PLPP3: variants seen among roughly 807,000 people sequenced by gnomAD.
The protein encoded by PLPP3 is PAP2 beta.
In PLPP3, 6 loss-of-function variants were observed where a neutral mutation model predicts 29.6. The ratio of observed to expected loss-of-function variants is 0.20; its 90% CI spans 0.11 to 0.40. The LOEUF (loss-of-function observed/expected upper bound fraction) is 0.40, where lower values mean the gene tolerates loss of function less well. PLPP3 is among the 10% of genes least tolerant of loss of function. The probability of loss-of-function intolerance (pLI) is 1.00; values close to 1 mark genes in which losing one functional copy is unlikely to be tolerated. For missense variants in PLPP3, 308 were observed against 407.7 expected (o/e 0.76, Z 2.11); for synonymous variants, 152 against 159.7 (o/e 0.95, Z 0.36).
Position 56,496,418 on chromosome 1 carries a change from T to TC in PLPP3, c.*132_*133insG, listed in dbSNP as rs1569857901. ...TTTGGAAGGCCACATAGTAAAACAT[T>TC]TTTTTTTTCCTTTTTAAAAATCAGT... On this transcript the variant is annotated 3_prime_UTR_variant, in exon 6 of 6. Coordinates refer to ENST00000371250, the MANE Select transcript of PLPP3 (RefSeq NM_003713.5). 4.2e-6 allele frequency: 5 copies of TC among 1,181,190 alleles called. No homozygotes were observed. In the East Asian group the frequency reaches 1.2e-4, roughly 29 times the overall value. 73.2% of individuals were successfully genotyped at this position (1,181,190 alleles called of 1,614,324 possible).
At chr1:56,507,443 C>T (rs189803230) in intron 5 of PLPP3, among the ~76,000 whole-genome samples, 6 of 152,208 alleles carry the variant, frequency 3.9e-5, no homozygotes, top group Admixed American at 6.5e-5. Context: ...TACTACATAC[C>T]GAGAATAAAT....
At chr1:56,549,620 G>A (rs55669921) in intron 1 of PLPP3, among the ~76,000 whole-genome samples, 1,769 of 152,196 alleles carry the variant, frequency 0.012, 26 homozygotes, top group African/African-American at 0.04. Context: ...GCATCTTTAC[G>A]TGATAGAGGG....
chr1:56,576,547 C>T (rs1646236762), intron 1 of PLPP3, among the ~76,000 whole-genome samples: 1 of 152,138 alleles, frequency 6.6e-6, no homozygotes, highest in Non-Finnish European at 1.5e-5. Context: ...TTGGCCTGTG[C>T]TCAGGGGAAA....
intron 1 of PLPP3, among the ~76,000 whole-genome samples, chr1:56,566,372 A>C (rs1462333965): frequency 6.6e-6 from 1 of 152,114 alleles, no homozygotes; most frequent in Non-Finnish European, 1.5e-5. Context: ...TCACTGCACC[A>C]CCTTTGGTAA....
chr1:56,517,786 C>T (rs938140370), intron 4 of PLPP3, among the ~76,000 whole-genome samples: 5 of 152,198 alleles, frequency 3.3e-5, no homozygotes, highest in African/African-American at 1.2e-4. Flanking sequence ...CTCCAGGGGA[C>T]ATTTAGAACT....
intron 4 of PLPP3, among the ~76,000 whole-genome samples, chr1:56,520,109 C>A (rs1163096735): frequency 1.3e-5 from 2 of 152,176 alleles, no homozygotes; most frequent in Non-Finnish European, 2.9e-5. Context: ...GACAGGCCAT[C>A]TCATCCCACT....
chr1:56,537,447 A>C lies in PLPP3; in HGVS notation c.140-335T>G, dbSNP rs544787523. Among the ~76,000 whole-genome samples, 3 of 152,248 alleles carry C rather than the reference A, an allele frequency of 2.0e-5. No individual in the cohort carries two copies. The South Asian group carries it at 6.2e-4, about 32-fold the overall frequency. On this transcript the variant is annotated intron_variant, in intron 1 of 5. Transcript: ENST00000371250. ...TAAAGCCCGAATCGCAACATTTACTAATATAGCCCCAAATCTCATGATTTA... is the reference window on the plus strand; with the variant it reads ...TAAAGCCCGAATCGCAACATTTACTCATATAGCCCCAAATCTCATGATTTA...
chr1:56,579,145 G>A lies in PLPP3; in HGVS notation c.-129C>T. On this transcript the variant is annotated 5_prime_UTR_variant, in exon 1 of 6. Coordinates refer to ENST00000371250, the MANE Select transcript of PLPP3 (RefSeq NM_003713.5). ...AGTGGCGGGTCGGCCCCGGCTCCGGGCGCGGCGGCTAGAGTGCAGCCGGGG... is the reference window on the plus strand; with the variant it reads ...AGTGGCGGGTCGGCCCCGGCTCCGGACGCGGCGGCTAGAGTGCAGCCGGGG... The A allele has an allele frequency of 7.6e-7, 1 of 1,311,238 alleles. No individual in the cohort carries two copies. The highest frequency in any genetic ancestry group is 1.5e-5 in the South Asian group (1 of 66,306). The allele number at this position is 1,311,238 out of a possible 1,614,324, so 81.2% of individuals were successfully genotyped here. A position where few individuals can be genotyped will look rare whatever the true frequency, so the allele number is the denominator to read the frequency against.
chr1:56,557,012 G>GAAAGAAAGAA (rs60511169), intron 1 of PLPP3, among the ~76,000 whole-genome samples: 10 of 9,118 alleles, frequency 1.1e-3, no homozygotes, highest in African/African-American at 2.8e-3. Flanking sequence ...GAAAGAAAGA[G>GAAAGAAAGAA]AGAGAGAGAG....
At chr1:56,501,823 A>G (rs1444085571) in intron 5 of PLPP3, among the ~76,000 whole-genome samples, 1 of 152,254 alleles carries the variant, frequency 6.6e-6, no homozygotes, top group Admixed American at 6.5e-5. Flanking sequence ...GAGACTATGA[A>G]TGAACATGTG....
At chr1:56,532,826 T>C (rs140130403) in intron 2 of PLPP3, among the ~76,000 whole-genome samples, 2 of 152,196 alleles carry the variant, frequency 1.3e-5, no homozygotes, top group African/African-American at 4.8e-5. Flanking sequence ...GTCTCTCCCC[T>C]GTGCAGCTAA....
intron 1 of PLPP3, among the ~76,000 whole-genome samples, chr1:56,555,544 G>A (rs1646071301): frequency 6.6e-6 from 1 of 150,926 alleles, no homozygotes; most frequent in South Asian, 2.1e-4. Flanking sequence ...ATCCAACACT[G>A]CCTACTTTTA....
At chr1:56,551,512 G>C (rs1215687665) in intron 1 of PLPP3, among the ~76,000 whole-genome samples, 1 of 151,966 alleles carries the variant, frequency 6.6e-6, no homozygotes, top group African/African-American at 2.4e-5. Context: ...AGCCTGCCTC[G>C]AACAGGTGCA....
At chr1:56,557,780 G>C (rs1384539939) in intron 1 of PLPP3, among the ~76,000 whole-genome samples, 1 of 152,164 alleles carries the variant, frequency 6.6e-6, no homozygotes, top group Non-Finnish European at 1.5e-5. Flanking sequence ...ACTTTCGAGG[G>C]TTTTGAAATC....
intron 5 of PLPP3, among the ~76,000 whole-genome samples, chr1:56,499,895 G>A (rs997167462): frequency 6.6e-5 from 10 of 152,166 alleles, no homozygotes; most frequent in Non-Finnish European, 1.5e-4. Flanking sequence ...GCTGGGAAGG[G>A]TCTATACAAA....
Position 56,579,230 on chromosome 1 carries a change from C to T in PLPP3, c.-214G>A. 1 of 557,306 alleles carries T rather than the reference C, an allele frequency of 1.8e-6. No homozygotes were observed. The allele number at this position is 557,306 out of a possible 1,614,324, so 34.5% of individuals were successfully genotyped here. A position where few individuals can be genotyped will look rare whatever the true frequency, so the allele number is the denominator to read the frequency against. ...TGCTCCTCCTGCGCGCCTCTGCTTT[C>T]CTCTGTCAACCCTAAATCGTTCTAA... On this transcript the variant is annotated 5_prime_UTR_variant, in exon 1 of 6. Coordinates refer to ENST00000371250, the MANE Select transcript of PLPP3 (RefSeq NM_003713.5).
At chr1:56,567,495 T>G (rs1557516591) in intron 1 of PLPP3, among the ~76,000 whole-genome samples, 1 of 147,230 alleles carries the variant, frequency 6.8e-6, no homozygotes, top group African/African-American at 2.5e-5. Flanking sequence ...CCTCCCGGGT[T>G]CATGCCATTC....
chr1:56,560,251 A>G (rs1045958458), intron 1 of PLPP3, among the ~76,000 whole-genome samples: 6 of 152,200 alleles, frequency 3.9e-5, no homozygotes, highest in Non-Finnish European at 7.3e-5. Flanking sequence ...ATTTGTGGAA[A>G]TGACTCATCA....
chr1:56,516,718 C>G (rs1044967788), intron 4 of PLPP3, among the ~76,000 whole-genome samples: 1 of 150,656 alleles, frequency 6.6e-6, no homozygotes, highest in Admixed American at 6.6e-5. Context: ...TTCTCTGCTA[C>G]GTACAGCTTG....
Sources: allele counts gnomAD v4.1 joint callset (sites outside exome capture counted in the v4.1 genomes callset), GRCh38; gene constraint gnomAD v4.1.1; transcripts MANE v1.5; gene names NCBI Gene and HGNC (gene_info 2026-07-23, HGNC 2026-07-21).